The following AKT1S1 variants were observed in gnomAD, a reference collection of about 807,000 sequenced individuals.
The protein encoded by AKT1S1 is AKT1 substrate 1, also known as proline-rich AKT1 substrate 1.
Under a neutral mutation model 21.2 loss-of-function variants are expected in AKT1S1, and 17 were observed. That is an observed-to-expected ratio of 0.80 (90% CI 0.55 to 1.20). The LOEUF (loss-of-function observed/expected upper bound fraction) is 1.20, where lower values mean the gene tolerates loss of function less well. AKT1S1 is among the 50% of genes most tolerant of loss of function. The pLI is 0.00. For synonymous variants in AKT1S1, 181 were observed against 165.6 expected, an observed-to-expected ratio of 1.09 and a Z score of -0.72; for missense variants, 366 against 368.3, an observed-to-expected ratio of 0.99 and a Z score of 0.05.
rs1422936406 is a variant in AKT1S1 at position 49,871,396 on chromosome 19, G to C, written c.627+151C>G. On this transcript the variant is annotated intron_variant, in intron 4 of 4. Transcript: ENST00000344175. Reference sequence around the variant, plus strand: ...AGGCTGCAATTGTTAAAACTGCAAGGCTCGTGTCCAAGAACTCGCCTCTTG... The same window carrying C: ...AGGCTGCAATTGTTAAAACTGCAAGCCTCGTGTCCAAGAACTCGCCTCTTG... 6 of 1,052,032 alleles carry C rather than the reference G, an allele frequency of 5.7e-6. No individual in the cohort carries two copies. In the East Asian group the frequency reaches 9.5e-5, roughly 17 times the overall value. The allele number at this position is 1,052,032 out of a possible 1,614,324, so 65.2% of individuals were successfully genotyped here.
upstream of AKT1S1, chr19:49,877,642 A>C (rs2074965373): frequency 6.6e-7 from 1 of 1,506,268 alleles, no homozygotes; most frequent in East Asian, 2.4e-5. Flanking sequence ...TCCGGCCCGG[A>C]GGGGAACTGT....
chr19:49,871,745 G>C (rs1298479506), intron 3 of AKT1S1, 29 bp from the exon 4 acceptor site: 1 of 1,611,350 alleles, frequency 6.2e-7, no homozygotes, highest in Non-Finnish European at 8.5e-7. Context: ...TTCAGCTTCT[G>C]TCCCTGCCTT....
chr19:49,876,008 G>A, intron 1 of AKT1S1: 1 of 985,476 alleles, frequency 1.0e-6, no homozygotes, highest in Non-Finnish European at 1.2e-6. Flanking sequence ...CACAGGAGGG[G>A]GAGCACGATG....
intron 4 of AKT1S1, 71 bp downstream of exon 4, chr19:49,871,476 A>G (rs1037640602): frequency 3.8e-6 from 6 of 1,591,956 alleles, no homozygotes; most frequent in South Asian, 1.1e-5. Context: ...TCCATGCTGG[A>G]GGGCTTCCTG....
At chr19:49,876,298 A>T (rs932865764) in intron 1 of AKT1S1, 6 of 1,191,382 alleles carry the variant, frequency 5.0e-6, no homozygotes, top group Non-Finnish European at 6.2e-6. Flanking sequence ...TGGACGGGTG[A>T]GGGGCGCCCC....
upstream of AKT1S1, chr19:49,878,036 C>T (rs1047641944): frequency 1.0e-6 from 1 of 959,518 alleles, no homozygotes; most frequent in Non-Finnish European, 1.5e-6. Flanking sequence ...AATGGCCCTC[C>T]CGGCCCCGCC....
chr19:49,873,578 G>A lies in AKT1S1; in HGVS notation c.-7-276C>T. On this transcript the variant is annotated intron_variant, in intron 1 of 4. Coordinates refer to ENST00000344175, the MANE Select transcript of AKT1S1 (RefSeq NM_001098633.4). This position sits in a 1 kb window ranked among gnomAD's most constrained non-coding sequence, Gnocchi z 6.9. ...CCTTTGGCCCTGCCCTGGCCTCTGT[G>A]GGAGCCGCCAGCCACATGTGAACAG... The A allele has an allele frequency of 2.1e-6, 1 of 477,210 alleles. No homozygotes were observed. The highest frequency in any genetic ancestry group is 3.5e-6 in the Non-Finnish European group (1 of 287,114). 29.6% of individuals were successfully genotyped at this position (477,210 alleles called of 1,614,324 possible).
rs1192186398 is a variant in AKT1S1, at chr19:49,869,906, C to G, written c.*11G>C. The G allele has an allele frequency of 6.7e-7, 1 of 1,497,734 alleles. No homozygotes were observed. Among genetic ancestry groups the G allele is most frequent in the Admixed American group, 2.1e-5 (1 of 48,390 alleles). The allele number at this position is 1,497,734 out of a possible 1,614,324, so 92.8% of individuals were successfully genotyped here. A position where few individuals can be genotyped will look rare whatever the true frequency, so the allele number is the denominator to read the frequency against. On this transcript the variant is annotated 3_prime_UTR_variant, in exon 5 of 5. Transcript: ENST00000344175. ...GGGCGGACGCGGCCCGGGGCGCTCC[C>G]TCCCTGGACTTCAATATTTCCGCTT...
intron 1 of AKT1S1, chr19:49,874,500 C>T (rs4802634): frequency 0.51 from 77,897 of 152,196 alleles, 20,916 homozygotes; most frequent in African/African-American, 0.68. Context: ...GAGCTTGTGA[C>T]AGCTGTAACC....
rs1406731749 is a variant in AKT1S1, at chr19:49,873,721, G to A, written c.-7-419C>T. On this transcript the variant is annotated intron_variant, in intron 1 of 4. Transcript: ENST00000344175. The surrounding 1 kb of genome is among the most constrained non-coding windows in gnomAD (Gnocchi z 6.9). ...AATAAAGCCGAACGAGCCGGGCGTG[G>A]TGGCTCAGGCCTGCAACCCCAGCAC... The A allele has an allele frequency of 1.2e-5, 2 of 170,488 alleles. No individual in the cohort carries two copies. Among genetic ancestry groups the A allele is most frequent in the Admixed American group, 6.4e-5 (1 of 15,664 alleles). 10.6% of individuals were successfully genotyped at this position (170,488 alleles called of 1,614,324 possible).
At chr19:49,877,613 G>A, upstream of AKT1S1, 2 of 1,234,036 alleles carry the variant, frequency 1.6e-6, no homozygotes, top group South Asian at 2.8e-5. Context: ...CTCTAGAACG[G>A]GTCGGGCCGC....
chr19:49,873,292 C>T lies in AKT1S1; in HGVS notation c.4G>A (p.Ala2Thr). 3 of 1,496,708 alleles carry T rather than the reference C, an allele frequency of 2.0e-6. No individual in the cohort carries two copies. The highest frequency in any genetic ancestry group is 2.6e-6 in the Non-Finnish European group (3 of 1,134,116). 92.7% of individuals were successfully genotyped at this position (1,496,708 alleles called of 1,614,324 possible). A position where few individuals can be genotyped will look rare whatever the true frequency, so the allele number is the denominator to read the frequency against. Residue 2 changes from alanine to threonine, a missense_variant, in exon 2 of 5, where the codon GCG (alanine) becomes ACG (threonine). By Grantham distance (58) the Ala-to-Thr change is moderately conservative (BLOSUM62 0). Coordinates refer to ENST00000344175, the MANE Select transcript of AKT1S1 (RefSeq NM_001098633.4). The surrounding 1 kb of genome is among the most constrained non-coding windows in gnomAD (Gnocchi z 6.9). Reference sequence around the variant, plus strand: ...CACAGCTCCTCGGGGCGCCCCGACGCCATCCGCGCCCTGCGGGCCAGAGCA... The same window carrying T: ...CACAGCTCCTCGGGGCGCCCCGACGTCATCCGCGCCCTGCGGGCCAGAGCA... The part of the protein sequence containing the change: M[A>T]SGRPEELWEA...
In AKT1S1 at chr19:49,877,326, G is replaced by A. The variant is rs1208360543; in HGVS notation, c.-97C>T. On this transcript the variant is annotated 5_prime_UTR_variant, in exon 1 of 5. Coordinates refer to ENST00000344175, the MANE Select transcript of AKT1S1 (RefSeq NM_001098633.4). ...CGTATTAACATGGCCTTAGCTGACC[G>A]GCTTAGGCCATGCCCTCGAGCAAAA... is the stretch of plus-strand genomic sequence containing the variant. 8 of 229,984 alleles carry A rather than the reference G, an allele frequency of 3.5e-5. No homozygotes were observed. The highest frequency in any genetic ancestry group is 5.6e-5 in the Admixed American group (1 of 17,906). 14.2% of individuals were successfully genotyped at this position (229,984 alleles called of 1,614,324 possible).
Position 49,873,110 on chromosome 19 carries a change from G to A in AKT1S1, c.186C>T (p.Leu62=), listed in dbSNP as rs928333637. The change falls in exon 2 of 5, where the codon CTC becomes CTT. Residue 62 remains leucine (L), a synonymous_variant. Coordinates refer to ENST00000344175, the MANE Select transcript of AKT1S1 (RefSeq NM_001098633.4). The surrounding 1 kb of genome is among the most constrained non-coding windows in gnomAD (Gnocchi z 6.9). ...CCCTGTGGGCCAGTGCGATGTCGTG[G>A]AGGCAACGGCGCGCTGCCTCCGCCA... ...GALAEAARRC[L]HDIALAHRAA... 3 of 1,545,544 alleles carry A rather than the reference G, an allele frequency of 1.9e-6. No homozygotes were observed. The African/African-American group carries it at 4.1e-5, about 21-fold the overall frequency.
At chr19:49,870,241 C>A (rs975656221) in intron 4 of AKT1S1, among the ~76,000 whole-genome samples, 181 bp from the exon 5 acceptor site, 4 of 152,216 alleles carry the variant, frequency 2.6e-5, no homozygotes, top group Non-Finnish European at 4.4e-5. Context: ...CGTAGGAACC[C>A]TTCTACCCGG....
upstream of AKT1S1, chr19:49,877,639 C>A: frequency 6.7e-7 from 1 of 1,496,530 alleles, no homozygotes; most frequent in Non-Finnish European, 9.1e-7. Context: ...CTGTCCGGCC[C>A]GGAGGGGAAC....
upstream of AKT1S1, chr19:49,877,642 A>G: frequency 6.6e-7 from 1 of 1,506,268 alleles, no homozygotes; most frequent in South Asian, 1.2e-5. Flanking sequence ...TCCGGCCCGG[A>G]GGGGAACTGT....
chr19:49,875,342 C>A (rs1001979388), intron 1 of AKT1S1: 3 of 77,196 alleles, frequency 3.9e-5, no homozygotes, highest in Non-Finnish European at 7.4e-5. Context: ...CACAGCTACA[C>A]AGGGCACAAG....
intron 1 of AKT1S1, chr19:49,876,723 G>C (rs534998891): frequency 3.6e-6 from 5 of 1,398,790 alleles, no homozygotes; most frequent in Admixed American, 3.3e-5. Flanking sequence ...CTCCCTTATC[G>C]GGGCCGCCCG....
Sources: gnomAD v4.1 joint callset for allele counts (sites outside exome capture counted in the v4.1 genomes callset) on GRCh38, gnomAD v4.1.1 for gene constraint, Gnocchi (gnomAD v3.1) non-coding constraint, MANE v1.5 for transcripts, NCBI Gene and HGNC (gene_info 2026-07-23, HGNC 2026-07-21) for gene names.